Variants in KATNAL2 observed in about 807,000 individuals in gnomAD.
KATNAL2 encodes katanin catalytic subunit A1 like 2.
Under a neutral mutation model 76.3 loss-of-function variants are expected in KATNAL2, and 52 were observed. The ratio of observed to expected loss-of-function variants is 0.68; its 90% CI spans 0.55 to 0.86. The LOEUF is 0.86. Among genes scored for constraint, KATNAL2 ranks in the 40% least tolerant of loss-of-function variants. The pLI, the probability that KATNAL2 is intolerant of heterozygous loss-of-function variation, is 0.00. For synonymous variants in KATNAL2, 243 were observed against 244.2 expected (o/e 1.00, Z 0.05); for missense variants, 660 against 668.9 (o/e 0.99, Z 0.15).
chr18:46,931,334 A>G (rs1442241140), intron 1 of KATNAL2, among the ~76,000 whole-genome samples: 1 of 151,378 alleles, frequency 6.6e-6, no homozygotes, highest in African/African-American at 2.4e-5. Context: ...AATAAAATAA[A>G]AAATTTAAAA....
At chr18:47,037,399 C>T (rs924313633) in intron 3 of KATNAL2, among the ~76,000 whole-genome samples, 1 of 152,140 alleles carries the variant, frequency 6.6e-6, no homozygotes, top group Non-Finnish European at 1.5e-5. Flanking sequence ...AAATGAGACA[C>T]CTAGATTAGA....
Position 47,101,689 on chromosome 18 carries a change from T to TA in KATNAL2, c.*684_*685insA, listed in dbSNP as rs2063440881. 1.3e-5 allele frequency: 2 copies of TA among 152,780 alleles called. No individual in the cohort carries two copies. The highest frequency in any genetic ancestry group is 1.3e-4 in the Admixed American group (2 of 15,370). The allele number at this position is 152,780 out of a possible 1,614,324, so 9.5% of individuals were successfully genotyped here. ...TGGGTTCTGGCCCCCAATAACATCT[T>TA]TTCACTCTTCACACCTCACATCCGG... is the stretch of plus-strand genomic sequence containing the variant. On this transcript the variant is annotated 3_prime_UTR_variant, in exon 18 of 18. Coordinates refer to ENST00000683218, the MANE Select transcript of KATNAL2 (RefSeq NM_001387690.1).
intron 15 of KATNAL2, among the ~76,000 whole-genome samples, chr18:47,086,216 A>G (rs905241011): frequency 6.6e-6 from 1 of 152,160 alleles, no homozygotes; most frequent in Non-Finnish European, 1.5e-5. Flanking sequence ...CTAGTGTTCC[A>G]TTTGAAAACC....
chr18:47,046,468 G>A lies in KATNAL2; in HGVS notation c.63G>A (p.Arg21=). Residue 21 remains arginine (R), a synonymous_variant, in exon 4 of 18, where the codon AGG becomes AGA. Coordinates refer to ENST00000683218, the MANE Select transcript of KATNAL2 (RefSeq NM_001387690.1). ...TTCCTCTGTTCCAGTGCGAGATGAG[G>A]ACAGAAGCACGACGAAAAAATCTTC... ...THQAREACEM[R]TEARRKNLLI... 2 of 1,535,806 alleles carry A rather than the reference G, an allele frequency of 1.3e-6. No individual in the cohort carries two copies. The highest frequency in any genetic ancestry group is 1.7e-6 in the Non-Finnish European group (2 of 1,146,682).
In KATNAL2 at chr18:47,100,840, CT is replaced by C. The variant is rs770260355; in HGVS notation, c.1478-25del. ...GATCACCAAGAGGTCGATTGTTGTGCTGTTACTGTTGTGTTCTTATCCTAGA... is the reference window on the plus strand; with the variant it reads ...GATCACCAAGAGGTCGATTGTTGTGCGTTACTGTTGTGTTCTTATCCTAGA... On this transcript the variant is annotated intron_variant, in intron 17 of 17. Transcript: ENST00000683218. 1.1e-5 allele frequency: 18 copies of C among 1,613,874 alleles called. No individual in the cohort carries two copies. The African/African-American group carries it at 2.3e-4, about 20-fold the overall frequency.
At chr18:47,092,016 C>T (rs72905408) in intron 15 of KATNAL2, among the ~76,000 whole-genome samples, 4,005 of 152,194 alleles carry the variant, frequency 0.026, 62 homozygotes, top group Non-Finnish European at 0.041. Flanking sequence ...TTGAAATTTA[C>T]AGGATCAATG....
At chr18:47,088,806 C>T (rs1041476097) in intron 15 of KATNAL2, among the ~76,000 whole-genome samples, 1 of 152,190 alleles carries the variant, frequency 6.6e-6, no homozygotes, top group Non-Finnish European at 1.5e-5. Flanking sequence ...TGGGTCCCTC[C>T]AGAGAATATT....
Position 47,079,967 on chromosome 18 carries a change from G to A in KATNAL2, c.1211+2506G>A, listed in dbSNP as rs187472991. On this transcript the variant is annotated intron_variant, in intron 15 of 17. Coordinates refer to ENST00000683218, the MANE Select transcript of KATNAL2 (RefSeq NM_001387690.1). ...TTCAGGTGTGTCACCCTGGTTCCTTGCCTGTACAGCTCCCATCAATGGTGT... is the reference window on the plus strand; with the variant it reads ...TTCAGGTGTGTCACCCTGGTTCCTTACCTGTACAGCTCCCATCAATGGTGT... Among the ~76,000 whole-genome samples, 5 of 152,234 alleles carry A rather than the reference G, an allele frequency of 3.3e-5. 1 individual carries two copies. Among genetic ancestry groups the A allele is most frequent in the African/African-American group, 1.2e-4 (5 of 41,544 alleles).
At position 46,933,209 on chromosome 18, in the gene KATNAL2, T is replaced by A. The variant is rs186411821; in HGVS notation, c.-509-12848T>A. ...AACAAAAAAGCTGGATTAAAAAAAA[T>A]AGAAGCAAATATCTAATATAAGGAA... On this transcript the variant is annotated intron_variant, in intron 1 of 17. Coordinates refer to ENST00000683218, the MANE Select transcript of KATNAL2 (RefSeq NM_001387690.1). Among the ~76,000 whole-genome samples, 735 of 152,096 alleles carry A rather than the reference T, an allele frequency of 4.8e-3. 6 individuals are homozygous for A. The highest frequency in any genetic ancestry group is 0.016 in the African/African-American group (671 of 41,446).
intron 15 of KATNAL2, among the ~76,000 whole-genome samples, chr18:47,078,724 C>G (rs114348867): frequency 3.9e-5 from 6 of 152,088 alleles, no homozygotes; most frequent in Admixed American, 2.6e-4. Context: ...CCTTCTACCC[C>G]CAGTGAATAC....
Position 47,066,882 on chromosome 18 carries a change from T to TAA in KATNAL2, c.727-138_727-137insAA, listed in dbSNP as rs1350363291. The TAA allele has an allele frequency of 6.4e-3, 405 of 63,104 alleles. 29 individuals are homozygous for TAA. The highest frequency in any genetic ancestry group is 0.02 in the East Asian group (59 of 2,942). The allele number at this position is 63,104 out of a possible 1,614,324, so 3.9% of individuals were successfully genotyped here. ...ATATATATATATATATATATATATA[T>TAA]ATATATATATAATATGAACAGTTTT... On this transcript the variant is annotated intron_variant, in intron 10 of 17. Transcript: ENST00000683218.
intron 1 of KATNAL2, among the ~76,000 whole-genome samples, chr18:46,942,477 G>A (rs548877754): frequency 6.6e-6 from 1 of 152,286 alleles, no homozygotes; most frequent in African/African-American, 2.4e-5. Flanking sequence ...AGCCGGGCGT[G>A]GTGGTGCGTG....
chr18:47,044,770 AAC>A (rs144547176), intron 3 of KATNAL2, among the ~76,000 whole-genome samples: 61,927 of 141,018 alleles, frequency 0.44, 13,692 homozygotes, highest in East Asian at 0.62. Flanking sequence ...TCAAAAAAAA[AAC>A]AAAAACAAAA....
intron 15 of KATNAL2, among the ~76,000 whole-genome samples, chr18:47,085,242 T>A (rs1419712184): frequency 6.6e-6 from 1 of 152,222 alleles, no homozygotes; most frequent in Non-Finnish European, 1.5e-5. Context: ...ATGGTAGTTT[T>A]ATTGCTGGAA....
At chr18:46,951,637 A>G (rs1323883899) in intron 3 of KATNAL2, among the ~76,000 whole-genome samples, 1 of 152,026 alleles carries the variant, frequency 6.6e-6, no homozygotes, top group East Asian at 1.9e-4. Context: ...CTATCTGAGA[A>G]AAGATATATG....
intron 3 of KATNAL2, among the ~76,000 whole-genome samples, chr18:46,957,037 CAAAAAAA>C (rs71264809): frequency 2.9e-5 from 3 of 104,898 alleles, no homozygotes; most frequent in Admixed American, 2.2e-4. Flanking sequence ...AACTCCGTCT[CAAAAAAA>C]AAAAAAAAAA....
At chr18:47,086,651 G>C (rs2062788216) in intron 15 of KATNAL2, among the ~76,000 whole-genome samples, 1 of 152,198 alleles carries the variant, frequency 6.6e-6, no homozygotes, top group African/African-American at 2.4e-5. Flanking sequence ...GTGCCTACTA[G>C]TGGTCAAACC....
At chr18:46,936,879 C>T (rs773239712) in intron 1 of KATNAL2, among the ~76,000 whole-genome samples, 8 of 152,180 alleles carry the variant, frequency 5.3e-5, no homozygotes, top group South Asian at 2.1e-4. Flanking sequence ...CGCTTGAACC[C>T]GGGAGGCGGA....
chr18:47,045,331 T>TTTCTTTTC (rs758686226), intron 3 of KATNAL2, among the ~76,000 whole-genome samples: 2,756 of 39,448 alleles, frequency 0.07, 64 homozygotes, highest in African/African-American at 0.22. Context: ...TTTCTTTTCT[T>TTTCTTTTC]TTTTTTTTTT....
Sources: allele counts gnomAD v4.1 joint callset (sites outside exome capture counted in the v4.1 genomes callset), GRCh38; gene constraint gnomAD v4.1.1; transcripts MANE v1.5; gene names NCBI Gene and HGNC (gene_info 2026-07-23, HGNC 2026-07-21).